OR2T2: variants seen among roughly 807,000 people sequenced by gnomAD.
The protein encoded by OR2T2 is olfactory receptor family 2 subfamily T member 2.
For missense variants in OR2T2, 138 were observed against 409.1 expected (o/e 0.34, Z 5.72); for synonymous variants, 50 against 162.7 (o/e 0.31, Z 5.27).
intron 2 of OR2T2, among the ~76,000 whole-genome samples, chr1:248,450,040 C>CT (rs1662757050): frequency 1.3e-5 from 2 of 149,104 alleles, no homozygotes; most frequent in Non-Finnish European, 2.9e-5. Context: ...ACAGAAGTAA[C>CT]TGATGACATG....
intron 2 of OR2T2, among the ~76,000 whole-genome samples, chr1:248,448,046 C>T (rs572782712): frequency 6.8e-4 from 103 of 152,366 alleles, no homozygotes; most frequent in Admixed American, 1.5e-3. Flanking sequence ...GTTATCAAAT[C>T]GACTGTGGCG....
At chr1:248,448,103 A>G (rs1318809865) in intron 2 of OR2T2, among the ~76,000 whole-genome samples, 4 of 151,988 alleles carry the variant, frequency 2.6e-5, no homozygotes, top group African/African-American at 4.9e-5. Flanking sequence ...TAATGGCTCC[A>G]AAGAGATGGA....
exon 3 of OR2T2, chr1:248,454,377 G>A: frequency 5.0e-5 from 1 of 20,004 alleles, no homozygotes; most frequent in Non-Finnish European, 7.6e-5. Context: ...TATTGCTAAC[G>A]TGTGACCATG....
intron 2 of OR2T2, among the ~76,000 whole-genome samples, chr1:248,451,926 TTGGCTAAACAATA>T (rs1662810534): frequency 1.9e-5 from 2 of 107,082 alleles, no homozygotes; most frequent in Non-Finnish European, 3.4e-5. Context: ...CTCTAACATT[TTGGCTAAACAATA>T]TTTTAAGATG....
At chr1:248,449,946 T>A (rs1233549816) in intron 2 of OR2T2, among the ~76,000 whole-genome samples, 1 of 138,856 alleles carries the variant, frequency 7.2e-6, no homozygotes, top group African/African-American at 3.2e-5. Flanking sequence ...GGATCTTGTA[T>A]GTGTGAATAA....
intron 2 of OR2T2, among the ~76,000 whole-genome samples, chr1:248,450,509 G>A (rs1008578513): frequency 1.0e-4 from 15 of 150,392 alleles, no homozygotes; most frequent in Non-Finnish European, 1.9e-4. Context: ...GACATTTGAG[G>A]CAATAGTGTT....
intron 2 of OR2T2, among the ~76,000 whole-genome samples, 195 bp from the exon 3 acceptor site, chr1:248,448,992 TAGACTTA>T (rs1406803834): frequency 7.1e-6 from 1 of 141,656 alleles, no homozygotes; most frequent in Non-Finnish European, 1.5e-5. Context: ...ATCCCCACTT[TAGACTTA>T]AAATGATCTG....
At chr1:248,450,860 C>CA (rs1258180280) in intron 2 of OR2T2, among the ~76,000 whole-genome samples, 3 of 140,098 alleles carry the variant, frequency 2.1e-5, no homozygotes, top group Non-Finnish European at 3.0e-5. Flanking sequence ...GTCTCTTGAC[C>CA]CATGATTCGA....
chr1:248,445,742 T>C lies in OR2T2; in HGVS notation c.-246+73T>C, dbSNP rs375319801. On this transcript the variant is annotated intron_variant, in intron 1 of 2. Coordinates refer to ENST00000642130, the Ensembl canonical transcript of OR2T2. Reference sequence around the variant, plus strand: ...GGGATGTTTTCTTCAGGTATTACTCTGTAACTATTAGAAGGCCACGTTACT... The same window carrying C: ...GGGATGTTTTCTTCAGGTATTACTCCGTAACTATTAGAAGGCCACGTTACT... 9.9e-5 allele frequency: 15 copies of C among 152,166 alleles called. No homozygotes were observed. In the South Asian group the frequency reaches 3.1e-3, roughly 31 times the overall value. 9.4% of individuals were successfully genotyped at this position (152,166 alleles called of 1,614,324 possible). A position where few individuals can be genotyped will look rare whatever the true frequency, so the allele number is the denominator to read the frequency against.
exon 3 of OR2T2, chr1:248,453,626 G>C: frequency 6.3e-7 from 1 of 1,581,950 alleles, no homozygotes; most frequent in South Asian, 1.1e-5. Context: ...AGTGGTGTCT[G>C]CCTTCTACAC....
chr1:248,446,556 C>G (rs1232781135), intron 1 of OR2T2, 33 bp from the exon 2 acceptor site: 1 of 146,428 alleles, frequency 6.8e-6, no homozygotes, highest in Non-Finnish European at 1.5e-5. Context: ...GTGTAATCCT[C>G]CATTCCCTTA....
At chr1:248,447,268 A>G (rs1281838804) in intron 2 of OR2T2, among the ~76,000 whole-genome samples, 1 of 151,116 alleles carries the variant, frequency 6.6e-6, no homozygotes, top group East Asian at 1.9e-4. Flanking sequence ...GAAGAAAAGG[A>G]GTTCCTGGCC....
chr1:248,450,554 T>TA (rs1185343114), intron 2 of OR2T2, among the ~76,000 whole-genome samples: 2 of 151,942 alleles, frequency 1.3e-5, no homozygotes, highest in Non-Finnish European at 2.9e-5. Context: ...GGAGTCTGAT[T>TA]ATTTACATGA....
chr1:248,447,848 C>A (rs1662701687), intron 2 of OR2T2, among the ~76,000 whole-genome samples: 1 of 151,192 alleles, frequency 6.6e-6, no homozygotes, highest in Non-Finnish European at 1.5e-5. Context: ...TTAACACTTT[C>A]ATTTCCATAG....
chr1:248,446,244 T>A lies in OR2T2; in HGVS notation c.-245-345T>A, dbSNP rs546753945. On this transcript the variant is annotated intron_variant, in intron 1 of 2. Coordinates refer to ENST00000642130, the Ensembl canonical transcript of OR2T2. ...ACGTGTGCCTTAAGATCTTTTTTTTTAATAAAACTATTAGAGGTCTCCTAG... is the reference window on the plus strand; with the variant it reads ...ACGTGTGCCTTAAGATCTTTTTTTTAAATAAAACTATTAGAGGTCTCCTAG... 1.2e-3 allele frequency among the ~76,000 whole-genome samples: 173 copies of A among 144,656 alleles called. 30 individuals carry two copies. Among genetic ancestry groups the A allele is most frequent in the African/African-American group, 4.5e-3 (158 of 35,464 alleles). The allele number at this position is 144,656 out of a possible 152,430, so 94.9% of individuals were successfully genotyped here.
chr1:248,449,910 G>A (rs1304090145), intron 2 of OR2T2, among the ~76,000 whole-genome samples: 18 of 135,898 alleles, frequency 1.3e-4, no homozygotes, highest in Admixed American at 8.3e-4. Flanking sequence ...GTGAGGGAAA[G>A]ATGACCTGAT....
intron 2 of OR2T2, among the ~76,000 whole-genome samples, 159 bp downstream of exon 2, chr1:248,446,970 C>T (rs1366252390): frequency 9.5e-5 from 14 of 147,154 alleles, no homozygotes; most frequent in African/African-American, 8.0e-5. Flanking sequence ...TAATTTTCCA[C>T]ACTGAAAATT....
chr1:248,447,000 T>A (rs1377957330), intron 2 of OR2T2, among the ~76,000 whole-genome samples, 189 bp downstream of exon 2: 1 of 148,148 alleles, frequency 6.8e-6, no homozygotes, highest in Admixed American at 6.6e-5. Flanking sequence ...TCAGTTGGGA[T>A]GGGAGGGAAA....
chr1:248,450,162 C>T (rs1185416112), intron 2 of OR2T2, among the ~76,000 whole-genome samples: 1 of 147,924 alleles, frequency 6.8e-6, no homozygotes, highest in Non-Finnish European at 1.5e-5. Flanking sequence ...ATATTGGCTT[C>T]ATTGAAATGG....
Sources: gnomAD v4.1 joint callset for allele counts (sites outside exome capture counted in the v4.1 genomes callset) on GRCh38, gnomAD v4.1.1 for gene constraint, MANE v1.5 for transcripts, NCBI Gene and HGNC (gene_info 2026-07-23, HGNC 2026-07-21) for gene names.